Variants in AFF1 observed in about 807,000 individuals in gnomAD.
AFF1 encodes ALF transcription elongation factor 1.
AFF1 carries 48 observed loss-of-function variants against 121.7 expected under a neutral mutation model. That is an observed-to-expected ratio of 0.39 (90% CI 0.31 to 0.50). The LOEUF is 0.50. Ranked by LOEUF, AFF1 falls within the 20% of genes least tolerant of loss-of-function variation. The probability of loss-of-function intolerance (pLI) is 0.76; values close to 1 mark genes in which losing one functional copy is unlikely to be tolerated. For missense variants in AFF1, 1,523 were observed against 1,511.7 expected (o/e 1.01, Z -0.12); for synonymous variants, 613 against 563.0 (o/e 1.09, Z -1.26).
At chr4:87,029,825 C>G (rs903794596) in intron 2 of AFF1, among the ~76,000 whole-genome samples, 2 of 152,158 alleles carry the variant, frequency 1.3e-5, no homozygotes, top group African/African-American at 4.8e-5. Context: ...TTCACAACAC[C>G]TTGGAGGCAT....
At chr4:87,037,611 C>T (rs1729700529) in intron 2 of AFF1, among the ~76,000 whole-genome samples, 1 of 152,084 alleles carries the variant, frequency 6.6e-6, no homozygotes, top group Non-Finnish European at 1.5e-5. Context: ...CTGCTCTCGG[C>T]CCTGCTTGGT....
intron 2 of AFF1, among the ~76,000 whole-genome samples, chr4:86,961,156 A>C (rs78071750): frequency 0.045 from 6,805 of 152,276 alleles, 492 homozygotes; most frequent in African/African-American, 0.15. Flanking sequence ...CCCTGCCTTC[A>C]TGAGTACAGA....
intron 2 of AFF1, among the ~76,000 whole-genome samples, chr4:87,023,448 G>C (rs1728230682): frequency 6.6e-6 from 1 of 152,106 alleles, no homozygotes; most frequent in South Asian, 2.1e-4. Context: ...TAAACTGAAG[G>C]ACAGAACCAC....
intron 5 of AFF1, among the ~76,000 whole-genome samples, chr4:87,084,668 G>A (rs891168394): frequency 2.0e-5 from 3 of 152,064 alleles, no homozygotes; most frequent in African/African-American, 7.2e-5. Flanking sequence ...CATCTCCAAA[G>A]GCAAAAATAA....
Position 87,086,968 on chromosome 4 carries a change from G to T in AFF1, c.1104+2804G>T, listed in dbSNP as rs150747311. 1.2e-3 allele frequency among the ~76,000 whole-genome samples: 182 copies of T among 152,250 alleles called. 1 individual carries two copies. The highest frequency in any genetic ancestry group is 4.1e-3 in the African/African-American group (170 of 41,528). On this transcript the variant is annotated intron_variant, in intron 5 of 20. Transcript: ENST00000395146. ...TGGCCCATAACTCCAGCAGGCTAAT[G>T]GAGTAAGAAGATAGCAGACATACAC...
chr4:87,074,392 G>A (rs937526871), intron 4 of AFF1, among the ~76,000 whole-genome samples: 1 of 152,040 alleles, frequency 6.6e-6, no homozygotes, highest in African/African-American at 2.4e-5. Flanking sequence ...GGGGCCTCAT[G>A]TGGTCTTTCA....
intron 4 of AFF1, among the ~76,000 whole-genome samples, chr4:87,077,293 T>C (rs562664825): frequency 0.015 from 787 of 51,484 alleles, 10 homozygotes; most frequent in African/African-American, 0.076. Flanking sequence ...ATCTGTTTTG[T>C]TTTGTTTTTT....
intron 2 of AFF1, among the ~76,000 whole-genome samples, chr4:86,985,536 C>T (rs1049821702): frequency 6.1e-5 from 9 of 147,878 alleles, no homozygotes; most frequent in African/African-American, 1.2e-4. Context: ...TGTAGCTCGG[C>T]GTGGTGGCAG....
chr4:87,022,720 A>C (rs939878872), intron 2 of AFF1, among the ~76,000 whole-genome samples: 4 of 145,824 alleles, frequency 2.7e-5, no homozygotes, highest in African/African-American at 1.1e-4. Flanking sequence ...ATCTGTGTGT[A>C]TATATGTATA....
At chr4:87,122,318 C>G (rs957507773) in intron 12 of AFF1, among the ~76,000 whole-genome samples, 2 of 152,204 alleles carry the variant, frequency 1.3e-5, no homozygotes, top group Non-Finnish European at 2.9e-5. Flanking sequence ...TACCAGAAGT[C>G]AGGTTCTATT....
At chr4:86,943,793 C>T (rs1007095300) in intron 1 of AFF1, among the ~76,000 whole-genome samples, 7 of 151,916 alleles carry the variant, frequency 4.6e-5, no homozygotes, top group Non-Finnish European at 8.8e-5. Flanking sequence ...AACCCCGTCT[C>T]TACTAAAAAT....
chr4:86,955,723 A>G (rs969854792), intron 2 of AFF1, among the ~76,000 whole-genome samples: 2 of 152,132 alleles, frequency 1.3e-5, no homozygotes, highest in African/African-American at 2.4e-5. Context: ...GTGGGACATG[A>G]TTTTATCGTC....
At position 87,129,980 on chromosome 4, in the gene AFF1, CT is replaced by C. The variant is rs111862348; in HGVS notation, c.2965-1091del. Among the ~76,000 whole-genome samples, 338 of 144,540 alleles carry C rather than the reference CT, an allele frequency of 2.3e-3. 2 individuals carry two copies. The highest frequency in any genetic ancestry group is 5.3e-3 in the African/African-American group (208 of 39,430). 94.8% of individuals were successfully genotyped at this position (144,540 alleles called of 152,430 possible). A position where few individuals can be genotyped will look rare whatever the true frequency, so the allele number is the denominator to read the frequency against. On this transcript the variant is annotated intron_variant, in intron 16 of 20. Transcript: ENST00000395146. ...TTTCTTTCTTTCTTTTTTTCTTTTT[CT>C]TTTTTTTTTTTGAGCCAGAGTCTTG...
chr4:86,943,617 A>C (rs908857969), intron 1 of AFF1, among the ~76,000 whole-genome samples: 1 of 152,114 alleles, frequency 6.6e-6, no homozygotes, highest in Non-Finnish European at 1.5e-5. Flanking sequence ...TGATACCAGC[A>C]TTTTCGGGAC....
intron 2 of AFF1, among the ~76,000 whole-genome samples, chr4:87,005,024 TTGAG>T (rs1272298820): frequency 1.3e-5 from 2 of 152,232 alleles, no homozygotes; most frequent in African/African-American, 4.8e-5. Context: ...TGGTTTTTGT[TTGAG>T]AGAGAGTCTT....
chr4:87,005,191 C>T (rs572977646), intron 2 of AFF1, among the ~76,000 whole-genome samples: 8 of 152,306 alleles, frequency 5.3e-5, no homozygotes, highest in African/African-American at 1.4e-4. Context: ...TGTCCAGGCT[C>T]TGGTATCAAA....
chr4:87,035,417 T>C (rs1403755750), intron 2 of AFF1, among the ~76,000 whole-genome samples: 1 of 151,980 alleles, frequency 6.6e-6, no homozygotes, highest in African/African-American at 2.4e-5. Context: ...AAAAATTAGC[T>C]GGGTGTGGTG....
At chr4:87,063,771 G>A (rs1388554169) in intron 4 of AFF1, among the ~76,000 whole-genome samples, 2 of 152,142 alleles carry the variant, frequency 1.3e-5, no homozygotes, top group Non-Finnish European at 2.9e-5. Flanking sequence ...TTAGTATATT[G>A]TGAGATATAC....
At chr4:86,956,244 G>C (rs1213151046) in intron 2 of AFF1, among the ~76,000 whole-genome samples, 1 of 152,160 alleles carries the variant, frequency 6.6e-6, no homozygotes, top group Non-Finnish European at 1.5e-5. Flanking sequence ...ATAAGTATGT[G>C]TCATTGTCAT....
Sources: gnomAD v4.1 joint callset for allele counts (sites outside exome capture counted in the v4.1 genomes callset) on GRCh38, gnomAD v4.1.1 for gene constraint, MANE v1.5 for transcripts, NCBI Gene and HGNC (gene_info 2026-07-23, HGNC 2026-07-21) for gene names.